The following PSMA2 variants were observed in gnomAD, a reference collection of about 807,000 sequenced individuals.
PSMA2 encodes proteasome subunit alpha type-2.
Under a neutral mutation model 35.9 loss-of-function variants are expected in PSMA2, and 2 were observed. That is an observed-to-expected ratio of 0.06 (90% CI 0.02 to 0.18). The LOEUF (loss-of-function observed/expected upper bound fraction) is 0.18, where lower values mean the gene tolerates loss of function less well. PSMA2 is among the 10% of genes least tolerant of loss of function. The probability of loss-of-function intolerance (pLI) is 1.00; values close to 1 mark genes in which losing one functional copy is unlikely to be tolerated. For synonymous variants in PSMA2, 97 were observed against 98.2 expected, an observed-to-expected ratio of 0.99 and a Z score of 0.07; for missense variants, 126 against 278.8, an observed-to-expected ratio of 0.45 and a Z score of 3.90.
chr7:42,919,557 T>C, intron 6 of PSMA2: 1 of 518,506 alleles, frequency 1.9e-6, no homozygotes, highest in East Asian at 4.8e-5. Context: ...TTTGGGATCA[T>C]GCTACTATGA....
At chr7:42,928,134 G>A (rs1415281388) in intron 1 of PSMA2, among the ~76,000 whole-genome samples, 1 of 152,110 alleles carries the variant, frequency 6.6e-6, no homozygotes, top group African/African-American at 2.4e-5. Context: ...ATTCCACAGG[G>A]CTGACTACAG....
intron 5 of PSMA2, among the ~76,000 whole-genome samples, chr7:42,922,522 ATGG>A (rs1786142216): frequency 6.6e-6 from 1 of 152,162 alleles, no homozygotes. Flanking sequence ...GATTCCAGAA[ATGG>A]TGGCTTCTGC....
intron 3 of PSMA2, among the ~76,000 whole-genome samples, chr7:42,925,875 T>C (rs918191344): frequency 6.6e-6 from 1 of 152,248 alleles, no homozygotes; most frequent in Non-Finnish European, 1.5e-5. Context: ...ACTTTGCCTC[T>C]ACCTATCTTG....
Position 42,917,799 on chromosome 7 carries a change from A to T in PSMA2, c.567T>A (p.His189Gln). Residue 189 changes from histidine to glutamine, a missense_variant, in exon 7 of 8, where the codon CAT becomes CAA. His to Gln is a conservative substitution (Grantham distance 24). Transcript: ENST00000223321. Reference sequence around the variant, plus strand: ...TAACCTTTAGGGTTAAGATGGCTGTATGAATGGCATCTTCAAGTTCCAGAT... The same window carrying T: ...TAACCTTTAGGGTTAAGATGGCTGTTTGAATGGCATCTTCAAGTTCCAGAT... ...NEDLELEDAIHTAILTLKESF... is the reference protein window; with the variant it reads ...NEDLELEDAIQTAILTLKESF... The T allele has an allele frequency of 1.2e-6, 2 of 1,609,760 alleles. No homozygotes were observed. Among genetic ancestry groups the T allele is most frequent in the Non-Finnish European group, 1.7e-6 (2 of 1,177,214 alleles).
At chr7:42,920,472 T>C (rs1396646277) in intron 6 of PSMA2, 1 of 152,474 alleles carries the variant, frequency 6.6e-6, no homozygotes, top group Non-Finnish European at 1.5e-5. Flanking sequence ...TTTGTTGCTA[T>C]TGTTTTTTGC....
At chr7:42,924,032 T>A (rs1786166367) in intron 4 of PSMA2, among the ~76,000 whole-genome samples, 1 of 152,154 alleles carries the variant, frequency 6.6e-6, no homozygotes, top group Admixed American at 6.5e-5. Context: ...GCTTTCATCA[T>A]GTGCTTACCA....
In PSMA2 at chr7:42,924,354, A is replaced by AAAC. The variant is rs1491324248; in HGVS notation, c.374+320_374+321insGTT. On this transcript the variant is annotated intron_variant, in intron 4 of 7. Transcript: ENST00000223321. Reference sequence around the variant, plus strand: ...GGGCGACAGAGTGAGACTCTGACTCAAAAAAAAAAAAAAAAAAAAAAAAAA... The same window carrying AAAC: ...GGGCGACAGAGTGAGACTCTGACTCAAACAAAAAAAAAAAAAAAAAAAAAAAAA... Among the ~76,000 whole-genome samples the AAAC allele has an allele frequency of 0.015, 22 of 1,446 alleles. No individual in the cohort carries two copies. In the Admixed American group the frequency reaches 0.16, roughly 10 times the overall value. 0.9% of individuals were successfully genotyped at this position (1,446 alleles called of 152,430 possible).
chr7:42,931,914 C>T (rs1377858529), intron 1 of PSMA2, among the ~76,000 whole-genome samples: 1 of 152,166 alleles, frequency 6.6e-6, no homozygotes, highest in Non-Finnish European at 1.5e-5. Context: ...CCGCATCCCC[C>T]CGACCCTCCA....
In PSMA2 at chr7:42,932,161, T is replaced by C; in HGVS notation, c.-3A>G. The C allele has an allele frequency of 6.2e-7, 1 of 1,614,136 alleles. No individual in the cohort carries two copies. The stretch of plus-strand genomic sequence containing the variant: ...AAGCTGTACCCGCGCTCCGCCATCT[T>C]TACCCGAAGAGCCAAAGCACAGCCG... On this transcript the variant is annotated 5_prime_UTR_variant, in exon 1 of 8. Coordinates refer to ENST00000223321, the MANE Select transcript of PSMA2 (RefSeq NM_002787.5).
intron 1 of PSMA2, chr7:42,931,021 C>A: frequency 3.5e-6 from 1 of 287,404 alleles, no homozygotes; most frequent in Non-Finnish European, 7.1e-6. Context: ...GAATTTAAGA[C>A]AACGTTATGT....
At chr7:42,925,629 GAAGAT>G (rs376507749) in intron 3 of PSMA2, among the ~76,000 whole-genome samples, 322 of 152,254 alleles carry the variant, frequency 2.1e-3, no homozygotes, top group African/African-American at 7.6e-3. Context: ...AAGAGATTAA[GAAGAT>G]ATTATATAAC....
chr7:42,918,898 A>G lies in PSMA2; in HGVS notation c.531-1063T>C, dbSNP rs1288802746. 6.5e-5 allele frequency: 12 copies of G among 183,638 alleles called. No individual in the cohort carries two copies. In the South Asian group the frequency reaches 1.1e-3, roughly 17 times the overall value. The allele number at this position is 183,638 out of a possible 1,614,324, so 11.4% of individuals were successfully genotyped here. ...GAGTGCAGTGGTGCAATCTTGGCTC[A>G]CTGCAAACTCCGCCTCCCAGGTTCA... On this transcript the variant is annotated intron_variant, in intron 6 of 7. Coordinates refer to ENST00000223321, the MANE Select transcript of PSMA2 (RefSeq NM_002787.5).
intron 6 of PSMA2, 41 bp from the exon 7 acceptor site, chr7:42,917,876 T>A: frequency 7.5e-7 from 1 of 1,326,320 alleles, no homozygotes; most frequent in Non-Finnish European, 1.0e-6. Context: ...ATTGTTTATA[T>A]TCTTTATAAC....
intron 5 of PSMA2, among the ~76,000 whole-genome samples, chr7:42,922,808 G>T (rs960395444): frequency 1.3e-5 from 2 of 152,138 alleles, no homozygotes; most frequent in Non-Finnish European, 2.9e-5. Context: ...GACAGATGTG[G>T]AGTAGTATTA....
intron 1 of PSMA2, among the ~76,000 whole-genome samples, chr7:42,930,225 GCACACA>G (rs60660330): frequency 0.84 from 125,682 of 150,290 alleles, 52,725 homozygotes; most frequent in South Asian, 0.9. Flanking sequence ...ACACACACAC[GCACACA>G]CACACACACA....
chr7:42,927,505 T>C, intron 1 of PSMA2, 46 bp from the exon 2 acceptor site: 2 of 1,543,400 alleles, frequency 1.3e-6, no homozygotes, highest in Non-Finnish European at 1.8e-6. Context: ...TCATCAAATA[T>C]TTATTGTAAG....
At chr7:42,923,147 A>G (rs973814215) in intron 5 of PSMA2, among the ~76,000 whole-genome samples, 178 bp downstream of exon 5, 1 of 152,230 alleles carries the variant, frequency 6.6e-6, no homozygotes, top group Non-Finnish European at 1.5e-5. Flanking sequence ...CCTTATCAGA[A>G]GACCAAATTA....
chr7:42,924,742 C>G lies in PSMA2; in HGVS notation c.307G>C (p.Glu103Gln). 1.2e-6 allele frequency: 2 copies of G among 1,613,356 alleles called. No homozygotes were observed. The highest frequency in any genetic ancestry group is 1.7e-6 in the Non-Finnish European group (2 of 1,179,532). The stretch of plus-strand genomic sequence containing the variant: ...ACCAGCTGAGCTGTAGGAATGGGTT[C>G]TTGGTACACAAGATAGTATTGTTGA... ...LAQQYYLVYQ[E>Q]PIPTAQLVQR... Residue 103 changes from glutamate to glutamine, a missense_variant, in exon 4 of 8, where the codon GAA becomes CAA. Coordinates refer to ENST00000223321, the MANE Select transcript of PSMA2 (RefSeq NM_002787.5).
rs1562703588 is a variant in PSMA2 at position 42,930,221 on chromosome 7, A to ACG, written c.41+1896_41+1897insCG. On this transcript the variant is annotated intron_variant, in intron 1 of 7. Transcript: ENST00000223321. ...ACCATGTTAAAACACACACACACAC[A>ACG]CACGCACACACACACACACACACAC... Among the ~76,000 whole-genome samples, 19 of 3,594 alleles carry ACG rather than the reference A, an allele frequency of 5.3e-3. No homozygotes were observed. The East Asian group carries it at 0.12, about 22-fold the overall frequency. 2.4% of individuals were successfully genotyped at this position (3,594 alleles called of 152,430 possible). A position where few individuals can be genotyped will look rare whatever the true frequency, so the allele number is the denominator to read the frequency against.
Sources: allele counts gnomAD v4.1 joint callset (sites outside exome capture counted in the v4.1 genomes callset), GRCh38; gene constraint gnomAD v4.1.1; transcripts MANE v1.5; gene names NCBI Gene and HGNC (gene_info 2026-07-23, HGNC 2026-07-21).